The following DHX16 variants were observed in gnomAD, a reference collection of about 807,000 sequenced individuals.
DHX16 encodes pre-mRNA-splicing factor ATP-dependent RNA helicase DHX16.
A neutral mutation model predicts 131.2 loss-of-function variants in DHX16; 81 were observed. The ratio of observed to expected loss-of-function variants is 0.62; its 90% CI spans 0.52 to 0.74. The LOEUF (loss-of-function observed/expected upper bound fraction) is 0.74, where lower values mean the gene tolerates loss of function less well. DHX16 is among the 30% of genes least tolerant of loss of function. The pLI is 0.00. For synonymous variants in DHX16, 440 were observed against 520.2 expected, an observed-to-expected ratio of 0.85 and a Z score of 2.10; for missense variants, 980 against 1,363.1, an observed-to-expected ratio of 0.72 and a Z score of 4.43.
chr6:30,665,680 T>C lies in DHX16; in HGVS notation c.720A>G (p.Arg240=), dbSNP rs1405081504. The change falls in exon 5 of 20, where the codon CGA becomes CGG. Residue 240 remains arginine (R), a synonymous_variant. Coordinates refer to ENST00000376442, the MANE Select transcript of DHX16 (RefSeq NM_003587.5). The surrounding 1 kb of genome is among the most constrained non-coding windows in gnomAD (Gnocchi z 4.8). ...CCGCCTCCAGGTCCTCAAGCTTCTC[T>C]CGCTCCCGCTTAGCCAGGTACTCTC... ...SRREYLAKRE[R]EKLEDLEAEL... 10 of 1,612,314 alleles carry C rather than the reference T, an allele frequency of 6.2e-6. No homozygotes were observed. The highest frequency in any genetic ancestry group is 1.3e-5 in the African/African-American group (1 of 74,918).
At chr6:30,668,468 T>C (rs1356203778) in intron 4 of DHX16, among the ~76,000 whole-genome samples, 1 of 152,010 alleles carries the variant, frequency 6.6e-6, no homozygotes, top group African/African-American at 2.4e-5. Context: ...CTGGCCAACA[T>C]GGTGAAACCC....
In DHX16 at chr6:30,659,726, T is replaced by C. The variant is rs753884616; in HGVS notation, c.1854+10A>G. On this transcript the variant is annotated intron_variant, in intron 11 of 19. Transcript: ENST00000376442. ...GATACATCATCCCCTCTCCCCACCA[T>C]GTCAGGCACCTGTCCTGTCAGGAAC... is the stretch of plus-strand genomic sequence containing the variant. 6.2e-7 allele frequency: 1 copy of C among 1,613,780 alleles called. No individual in the cohort carries two copies. Among genetic ancestry groups the C allele is most frequent in the South Asian group, 1.1e-5 (1 of 91,050 alleles).
At chr6:30,671,010 CCT>C (rs1286131363) in intron 2 of DHX16, 24 bp downstream of exon 2, 10 of 1,612,850 alleles carry the variant, frequency 6.2e-6, no homozygotes, top group Non-Finnish European at 1.7e-6. Flanking sequence ...CCTGCCCCAT[CCT>C]CTCTCACCCT....
chr6:30,664,012 A>G (rs1042180973), intron 7 of DHX16, among the ~76,000 whole-genome samples: 7 of 151,702 alleles, frequency 4.6e-5, no homozygotes, highest in African/African-American at 1.5e-4. Context: ...TGACAGAGCA[A>G]GACTCCACCT....
At position 30,665,276 on chromosome 6, in the gene DHX16, TAC is replaced by T. The variant is rs777932697; in HGVS notation, c.922-4_922-3del. The stretch of plus-strand genomic sequence containing the variant: ...CACTAGATCCACAGCTCGGGCTGGC[TAC>T]AGAGAGAGGGGATATGTGAAGACTC... On this transcript the variant is annotated splice_polypyrimidine_tract_variant and splice_region_variant and intron_variant, in intron 5 of 19. Coordinates refer to ENST00000376442, the MANE Select transcript of DHX16 (RefSeq NM_003587.5). The surrounding 1 kb of genome is among the most constrained non-coding windows in gnomAD (Gnocchi z 4.8). The T allele has an allele frequency of 3.7e-6, 6 of 1,601,926 alleles. No homozygotes were observed. Among genetic ancestry groups the T allele is most frequent in the South Asian group, 3.3e-5 (3 of 90,886 alleles).
At position 30,656,889 on chromosome 6, in the gene DHX16, T is replaced by C; in HGVS notation, c.2148+63A>G. The stretch of plus-strand genomic sequence containing the variant: ...CCCTAGGAAGCCCCCACCCTGCTTC[T>C]GAGTTGGACCTTCTCTGTGGGCCAA... On this transcript the variant is annotated intron_variant, in intron 13 of 19. Transcript: ENST00000376442. This position sits in a 1 kb window ranked among gnomAD's most constrained non-coding sequence, Gnocchi z 5.1. 1.9e-6 allele frequency: 3 copies of C among 1,590,568 alleles called. No homozygotes were observed. The highest frequency in any genetic ancestry group is 2.6e-6 in the Non-Finnish European group (3 of 1,167,518).
intron 18 of DHX16, 107 bp downstream of exon 18, chr6:30,655,068 G>A (rs1446321878): frequency 1.3e-6 from 2 of 1,495,310 alleles, no homozygotes; most frequent in African/African-American, 1.4e-5. Flanking sequence ...ATACACAAGG[G>A]GAAGAGGGCA....
At chr6:30,655,862 G>C (rs927454155) in intron 16 of DHX16, among the ~76,000 whole-genome samples, 1 of 152,204 alleles carries the variant, frequency 6.6e-6, no homozygotes, top group South Asian at 2.1e-4. Flanking sequence ...GGCTTCTGCA[G>C]AAAGTGTGCA....
intron 7 of DHX16, among the ~76,000 whole-genome samples, chr6:30,663,300 G>A (rs1392227071): frequency 1.3e-5 from 2 of 152,178 alleles, no homozygotes; most frequent in African/African-American, 4.8e-5. Context: ...AGGTAAAAAA[G>A]CAGGAAGGCT....
chr6:30,671,374 G>GC, intron 1 of DHX16, 100 bp from the exon 2 acceptor site: 2 of 1,130,970 alleles, frequency 1.8e-6, no homozygotes, highest in Non-Finnish European at 2.5e-6. Flanking sequence ...AGTCTTTCCT[G>GC]CCCCCGCGGC....
In DHX16 at chr6:30,662,881, C is replaced by T. The variant is rs1329581455; in HGVS notation, c.1428+30G>A. ...TGTAGACTGAGTCACAGACCCCAGA[C>T]TCTACCCCCCGGTTCCCTAGAAATC... On this transcript the variant is annotated intron_variant, in intron 8 of 19. Transcript: ENST00000376442. This position sits in a 1 kb window ranked among gnomAD's most constrained non-coding sequence, Gnocchi z 4.7. The T allele has an allele frequency of 1.2e-6, 2 of 1,603,234 alleles. No individual in the cohort carries two copies. The highest frequency in any genetic ancestry group is 2.7e-5 in the African/African-American group (2 of 74,702).
Position 30,662,838 on chromosome 6 carries a change from G to T in DHX16, c.1428+73C>A. 1 of 1,557,464 alleles carries T rather than the reference G, an allele frequency of 6.4e-7. No homozygotes were observed. Among genetic ancestry groups the T allele is most frequent in the Non-Finnish European group, 8.8e-7 (1 of 1,131,400 alleles). On this transcript the variant is annotated intron_variant, in intron 8 of 19. Transcript: ENST00000376442. This position sits in a 1 kb window ranked among gnomAD's most constrained non-coding sequence, Gnocchi z 4.7. ...GTGGGGCAGCACCAAGACTTCTGCT[G>T]TAGGGACCTGAGGGAACTGTAGACT...
At chr6:30,660,301 C>A in intron 9 of DHX16, 59 bp from the exon 10 acceptor site, 1 of 1,367,252 alleles carries the variant, frequency 7.3e-7, no homozygotes, top group Non-Finnish European at 9.9e-7. Flanking sequence ...GTATCAGACA[C>A]CAGAGTTAAC....
At chr6:30,653,616 T>TCTTGGCCTCCCAAAGTACTAGGATCCTGC (rs1554159181) in intron 19 of DHX16, among the ~76,000 whole-genome samples, 1 of 150,258 alleles carries the variant, frequency 6.7e-6, no homozygotes, top group Non-Finnish European at 1.5e-5. Flanking sequence ...CCTGGGCTGA[T>TCTTGGCCTCCCAAAGTACTAGGATCCTGC]CTTGGCCTCC....
In DHX16 at chr6:30,664,873, G is replaced by A. The variant is rs1177175310; in HGVS notation, c.1245C>T (p.His415=). Residue 415 remains histidine (H), a synonymous_variant, in exon 7 of 20, where the codon CAC becomes CAT. Transcript: ENST00000376442. The part of the protein sequence containing the change: ...REELLAAIAN[H]QVLIIEGETG... ...TCTCGCCTTCAATGATGAGGACTTG[G>A]TGATTTGCAATAGCAGCCAGGAGCT... 64 of 1,613,136 alleles carry A rather than the reference G, an allele frequency of 4.0e-5. No individual in the cohort carries two copies. Among genetic ancestry groups the A allele is most frequent in the Non-Finnish European group, 5.3e-5 (63 of 1,180,036 alleles).
At chr6:30,664,086 G>A (rs2127588528) in intron 7 of DHX16, among the ~76,000 whole-genome samples, 1 of 152,132 alleles carries the variant, frequency 6.6e-6, no homozygotes, top group East Asian at 1.9e-4. Flanking sequence ...TACTCAGGAG[G>A]CTGAGGTGGG....
At position 30,655,333 on chromosome 6, in the gene DHX16, C is replaced by A; in HGVS notation, c.2665G>T (p.Ala889Ser). Reference sequence around the variant, plus strand: ...CACTGGGAAGAGTAACCACTCTCAGCCCACTGGGAAGACAGTTAAAAAGAA... The same window carrying A: ...CACTGGGAAGAGTAACCACTCTCAGACCACTGGGAAGACAGTTAAAAAGAA... ...LVLLNVYTQW[A>S]ESGYSSQWCY... The change falls in exon 18 of 20, where the codon GCT becomes TCT. Residue 889 changes from alanine (A) to serine (S), a missense_variant. Physicochemically the swap from Ala to Ser is moderately conservative, Grantham distance 99 (BLOSUM62 1). Coordinates refer to ENST00000376442, the MANE Select transcript of DHX16 (RefSeq NM_003587.5). The A allele has an allele frequency of 6.2e-7, 1 of 1,614,060 alleles. No homozygotes were observed. The highest frequency in any genetic ancestry group is 1.1e-5 in the South Asian group (1 of 91,082).
Position 30,670,618 on chromosome 6 carries a change from CAG to C in DHX16, c.610-154_610-153del. ...GGAATCTCTCTGATTGCAGGTACAG[CAG>C]ACAGTTGTCTTAGCCACAGGATGCA... is the stretch of plus-strand genomic sequence containing the variant. On this transcript the variant is annotated intron_variant, in intron 3 of 19. Transcript: ENST00000376442. This position sits in a 1 kb window ranked among gnomAD's most constrained non-coding sequence, Gnocchi z 4.4. The C allele has an allele frequency of 1.6e-6, 2 of 1,225,300 alleles. No homozygotes were observed. Among genetic ancestry groups the C allele is most frequent in the Non-Finnish European group, 2.3e-6 (2 of 872,940 alleles). The allele number at this position is 1,225,300 out of a possible 1,614,324, so 75.9% of individuals were successfully genotyped here.
chr6:30,655,890 G>A (rs766661584), intron 16 of DHX16, among the ~76,000 whole-genome samples: 18 of 152,152 alleles, frequency 1.2e-4, no homozygotes, highest in Non-Finnish European at 2.2e-4. Flanking sequence ...TGTGCATTTG[G>A]AAAAGATCTC....
Sources: allele counts gnomAD v4.1 joint callset (sites outside exome capture counted in the v4.1 genomes callset), GRCh38; gene constraint gnomAD v4.1.1; non-coding constraint Gnocchi (gnomAD v3.1); transcripts MANE v1.5; gene names NCBI Gene and HGNC (gene_info 2026-07-23, HGNC 2026-07-21).